The following KDELR1 variants were observed in gnomAD, a reference collection of about 807,000 sequenced individuals.
The protein encoded by KDELR1 is ER lumen protein-retaining receptor 1.
KDELR1 carries 16 observed loss-of-function variants against 25.5 expected under a neutral mutation model. That is an observed-to-expected ratio of 0.63 (90% CI 0.43 to 0.95). The LOEUF (loss-of-function observed/expected upper bound fraction) is 0.95. KDELR1 is among the 40% of genes least tolerant of loss of function. The probability of loss-of-function intolerance (pLI) is 0.00; values close to 1 mark genes in which losing one functional copy is unlikely to be tolerated. For missense variants in KDELR1, 159 were observed against 265.2 expected (o/e 0.60, Z 2.78); for synonymous variants, 121 against 115.0 (o/e 1.05, Z -0.33).
upstream of KDELR1, among the ~76,000 whole-genome samples, chr19:48,394,275 T>A (rs985269520): frequency 6.6e-6 from 1 of 150,704 alleles, no homozygotes; most frequent in African/African-American, 2.4e-5. This position sits in a 1 kb window ranked among gnomAD's most constrained non-coding sequence, Gnocchi z 5.1. Context: ...TGTGCGTGAG[T>A]GTATGTGTGT....
upstream of KDELR1, among the ~76,000 whole-genome samples, chr19:48,396,462 G>C (rs373726790): frequency 6.6e-6 from 1 of 152,016 alleles, no homozygotes; most frequent in African/African-American, 2.4e-5. Flanking sequence ...GCAGAGGAGG[G>C]GCTGGAGGGT....
At chr19:48,388,419 C>T (rs1041871196) in intron 3 of KDELR1, among the ~76,000 whole-genome samples, 2 of 152,182 alleles carry the variant, frequency 1.3e-5, no homozygotes, top group Non-Finnish European at 2.9e-5. Flanking sequence ...GGCGCGGTGG[C>T]TCATGCCTGT....
chr19:48,383,111 A>T lies in KDELR1; in HGVS notation c.*182T>A, dbSNP rs1159281039. On this transcript the variant is annotated 3_prime_UTR_variant, in exon 5 of 5. Transcript: ENST00000330720. Reference sequence around the variant, plus strand: ...AAGGCAAAAAACTACAAACAGCCCAAGTCCTGAGCTCCCCAAGACCTGGAT... The same window carrying T: ...AAGGCAAAAAACTACAAACAGCCCATGTCCTGAGCTCCCCAAGACCTGGAT... The T allele has an allele frequency of 1.6e-6, 1 of 620,444 alleles. No homozygotes were observed. The highest frequency in any genetic ancestry group is 1.9e-5 in the African/African-American group (1 of 53,930). 38.4% of individuals were successfully genotyped at this position (620,444 alleles called of 1,614,324 possible).
chr19:48,393,032 G>A (rs1231753045), upstream of KDELR1, among the ~76,000 whole-genome samples: 3 of 152,232 alleles, frequency 2.0e-5, no homozygotes, highest in Non-Finnish European at 2.9e-5. The surrounding 1 kb of genome is among the most constrained non-coding windows in gnomAD (Gnocchi z 5.6). Context: ...AATAAAAGAA[G>A]GGGTGCAGGC....
upstream of KDELR1, among the ~76,000 whole-genome samples, chr19:48,391,706 T>C (rs1384913569): frequency 1.3e-5 from 2 of 151,806 alleles, no homozygotes; most frequent in African/African-American, 4.8e-5. Flanking sequence ...CTTGGGAGGG[T>C]CGCAGGGTTC....
intron 2 of KDELR1, 56 bp downstream of exon 2, chr19:48,390,368 C>T: frequency 7.5e-7 from 1 of 1,329,858 alleles, no homozygotes. Flanking sequence ...AGTCTGGGAC[C>T]CACACCCGGC....
chr19:48,393,935 C>CG (rs1171599262), upstream of KDELR1, among the ~76,000 whole-genome samples: 1 of 151,920 alleles, frequency 6.6e-6, no homozygotes, highest in African/African-American at 2.4e-5. This position sits in a 1 kb window ranked among gnomAD's most constrained non-coding sequence, Gnocchi z 5.6. Flanking sequence ...GTAAGCGCTG[C>CG]GGCGGCGGAG....
At chr19:48,386,060 T>C (rs1970493720) in intron 3 of KDELR1, among the ~76,000 whole-genome samples, 1 of 151,854 alleles carries the variant, frequency 6.6e-6, no homozygotes, top group Non-Finnish European at 1.5e-5. Flanking sequence ...CCCCTGGGGT[T>C]GCCCTTAGGG....
At chr19:48,397,279 A>G in the KDELR1 span, among the ~76,000 whole-genome samples, 1 of 151,588 alleles carries the variant, frequency 6.6e-6, no homozygotes, top group Non-Finnish European at 1.5e-5. Flanking sequence ...GTGCCCCACT[A>G]ATTTCTCTCT....
intron 3 of KDELR1, among the ~76,000 whole-genome samples, chr19:48,387,064 T>TA (rs35835908): frequency 0.39 from 45,686 of 115,974 alleles, 8,810 homozygotes; most frequent in East Asian, 0.51. Flanking sequence ...CAGCAAGACT[T>TA]AAAAAAAAAA....
In KDELR1 at chr19:48,384,918, A is replaced by C; in HGVS notation, c.352-436T>G. On this transcript the variant is annotated intron_variant, in intron 3 of 4. Coordinates refer to ENST00000330720, the MANE Select transcript of KDELR1 (RefSeq NM_006801.3). The surrounding 1 kb of genome is among the most constrained non-coding windows in gnomAD (Gnocchi z 4.6). ...TTTTTTTTTTTTGAGATGGAGTATCACTCTGTCACCCAGGCTGGAGTGCCA... is the reference window on the plus strand; with the variant it reads ...TTTTTTTTTTTTGAGATGGAGTATCCCTCTGTCACCCAGGCTGGAGTGCCA... Among the ~76,000 whole-genome samples the C allele has an allele frequency of 1.5e-5, 2 of 136,008 alleles. No homozygotes were observed. The highest frequency in any genetic ancestry group is 8.1e-5 in the Admixed American group (1 of 12,416). 89.2% of individuals were successfully genotyped at this position (136,008 alleles called of 152,430 possible).
At chr19:48,385,063 T>C (rs951290466) in intron 3 of KDELR1, among the ~76,000 whole-genome samples, 4 of 152,096 alleles carry the variant, frequency 2.6e-5, no homozygotes, top group Non-Finnish European at 4.4e-5. Context: ...ATTTTTGTAT[T>C]TGTAGTAGAG....
rs372156450 is a variant in KDELR1, at chr19:48,390,381, C to T, written c.192+43G>A. 88 of 1,463,678 alleles carry T rather than the reference C, an allele frequency of 6.0e-5. No individual in the cohort carries two copies. The African/African-American group carries it at 1.2e-3, about 19-fold the overall frequency. 90.7% of individuals were successfully genotyped at this position (1,463,678 alleles called of 1,614,324 possible). The stretch of plus-strand genomic sequence containing the variant: ...GGAGTCTGGGACCCACACCCGGCTC[C>T]TCTGCCTCAGTGGGGGCCAGAGAGG... On this transcript the variant is annotated intron_variant, in intron 2 of 4. Transcript: ENST00000330720.
Position 48,386,972 on chromosome 19 carries a change from G to A in KDELR1, c.352-2490C>T, listed in dbSNP as rs188627305. On this transcript the variant is annotated intron_variant, in intron 3 of 4. Transcript: ENST00000330720. ...TGTAATCCCAGCTACTCGGGACGCT[G>A]AGGCACGAGAATTGCTTGAACCTGG... Among the ~76,000 whole-genome samples the A allele has an allele frequency of 2.0e-5, 3 of 151,332 alleles. No individual in the cohort carries two copies. The East Asian group carries it at 5.9e-4, about 30-fold the overall frequency.
At chr19:48,387,308 C>T (rs990968167) in intron 3 of KDELR1, among the ~76,000 whole-genome samples, 6 of 152,136 alleles carry the variant, frequency 3.9e-5, no homozygotes, top group African/African-American at 1.4e-4. Flanking sequence ...CAGCATGATG[C>T]AGCCTCCCTC....
chr19:48,388,353 G>C (rs1970511883), intron 3 of KDELR1, among the ~76,000 whole-genome samples: 1 of 152,180 alleles, frequency 6.6e-6, no homozygotes, highest in Non-Finnish European at 1.5e-5. Context: ...GAGGTACAGA[G>C]AGGTCAAGTC....
At position 48,384,618 on chromosome 19, in the gene KDELR1, A is replaced by G; in HGVS notation, c.352-136T>C. 1 of 1,107,200 alleles carries G rather than the reference A, an allele frequency of 9.0e-7. No individual in the cohort carries two copies. The highest frequency in any genetic ancestry group is 1.3e-6 in the Non-Finnish European group (1 of 786,602). 68.6% of individuals were successfully genotyped at this position (1,107,200 alleles called of 1,614,324 possible). A position where few individuals can be genotyped will look rare whatever the true frequency, so the allele number is the denominator to read the frequency against. ...CCAGGTGCTGCCAAGTGCCAGACAC[A>G]GTTCTGCCCGAGTTACTGGTACCTC... On this transcript the variant is annotated intron_variant, in intron 3 of 4. Transcript: ENST00000330720. This position sits in a 1 kb window ranked among gnomAD's most constrained non-coding sequence, Gnocchi z 4.6.
intron 3 of KDELR1, among the ~76,000 whole-genome samples, chr19:48,386,289 A>AT (rs768296244): frequency 6.6e-6 from 1 of 151,164 alleles, no homozygotes; most frequent in Non-Finnish European, 1.5e-5. Flanking sequence ...TAATTTTTGT[A>AT]TTTTTTTAGT....
Position 48,384,890 on chromosome 19 carries a change from C to T in KDELR1, c.352-408G>A, listed in dbSNP as rs1178303636. ...GAAATTTCCCTTCCTTTTTCTTTTT[C>T]TTTTTTTTTTTTTTGAGATGGAGTA... On this transcript the variant is annotated intron_variant, in intron 3 of 4. Coordinates refer to ENST00000330720, the MANE Select transcript of KDELR1 (RefSeq NM_006801.3). This position sits in a 1 kb window ranked among gnomAD's most constrained non-coding sequence, Gnocchi z 4.6. Among the ~76,000 whole-genome samples the T allele has an allele frequency of 8.2e-4, 115 of 140,264 alleles. No homozygotes were observed. The highest frequency in any genetic ancestry group is 2.2e-3 in the Admixed American group (30 of 13,880). The allele number at this position is 140,264 out of a possible 152,430, so 92.0% of individuals were successfully genotyped here.
Sources: allele counts gnomAD v4.1 joint callset (sites outside exome capture counted in the v4.1 genomes callset), GRCh38; gene constraint gnomAD v4.1.1; non-coding constraint Gnocchi (gnomAD v3.1); transcripts MANE v1.5; gene names NCBI Gene and HGNC (gene_info 2026-07-23, HGNC 2026-07-21).